Variants in CNTN5 observed in about 807,000 individuals in gnomAD.
CNTN5 encodes the protein contactin 5.
CNTN5 carries 77 observed loss-of-function variants against 129.1 expected under a neutral mutation model. The observed-to-expected ratio is 0.60, with a 90% CI of 0.50 to 0.72. CNTN5 has a LOEUF of 0.72. CNTN5 is among the 30% of genes least tolerant of loss of function. The pLI is 0.00. For synonymous variants in CNTN5, 509 were observed against 465.6 expected, an observed-to-expected ratio of 1.09 and a Z score of -1.20; for missense variants, 1,478 against 1,328.8, an observed-to-expected ratio of 1.11 and a Z score of -1.75.
chr11:99,802,732 C>T (rs1056988741), intron 3 of CNTN5, among the ~76,000 whole-genome samples: 44 of 152,120 alleles, frequency 2.9e-4, no homozygotes, highest in African/African-American at 9.7e-4. Flanking sequence ...GCCTGGAGAC[C>T]TACCTGGACA....
chr11:100,355,213 C>G (rs111742095), intron 24 of CNTN5, among the ~76,000 whole-genome samples: 9 of 151,112 alleles, frequency 6.0e-5, no homozygotes, highest in African/African-American at 2.2e-4. Context: ...ATTTTGTTTG[C>G]TTTTTAAACT....
intron 3 of CNTN5, among the ~76,000 whole-genome samples, chr11:99,592,712 G>A (rs1490284070): frequency 6.6e-6 from 1 of 152,180 alleles, no homozygotes; most frequent in Admixed American, 6.5e-5. Flanking sequence ...TTAATATCAT[G>A]TAAATATTTT....
At chr11:100,318,767 G>T (rs1346213753) in intron 21 of CNTN5, among the ~76,000 whole-genome samples, 1 of 152,002 alleles carries the variant, frequency 6.6e-6, no homozygotes, top group Admixed American at 6.6e-5. Context: ...ATACAGACAT[G>T]GGCTTGCTTA....
intron 2 of CNTN5, among the ~76,000 whole-genome samples, chr11:99,416,671 AAGAT>A (rs1385765174): frequency 2.4e-4 from 37 of 152,270 alleles, no homozygotes; most frequent in African/African-American, 8.9e-4. Flanking sequence ...TAGGTAAAGA[AAGAT>A]AGATTACAGG....
intron 9 of CNTN5, among the ~76,000 whole-genome samples, chr11:100,029,824 C>A (rs1941617690): frequency 6.6e-6 from 1 of 152,084 alleles, no homozygotes; most frequent in African/African-American, 2.4e-5. Flanking sequence ...GGGAATGAAT[C>A]TTTACAGCCC....
At chr11:99,291,690 A>C (rs1037683475) in intron 1 of CNTN5, among the ~76,000 whole-genome samples, 3 of 152,014 alleles carry the variant, frequency 2.0e-5, no homozygotes, top group African/African-American at 7.2e-5. Flanking sequence ...AATAAGAAAA[A>C]GAATTTAGCT....
At chr11:99,164,115 TAGG>T (rs1040641192) in intron 1 of CNTN5, among the ~76,000 whole-genome samples, 10 of 151,898 alleles carry the variant, frequency 6.6e-5, no homozygotes, top group Non-Finnish European at 1.5e-4. Flanking sequence ...ATCACGAGGT[TAGG>T]AGTTCAAGAC....
At chr11:99,129,646 C>T (rs569277680) in intron 1 of CNTN5, among the ~76,000 whole-genome samples, 1 of 152,188 alleles carries the variant, frequency 6.6e-6, no homozygotes, top group East Asian at 1.9e-4. Context: ...AGATCTACTG[C>T]AAGACACATA....
At chr11:99,752,907 A>G (rs1328923582) in intron 3 of CNTN5, among the ~76,000 whole-genome samples, 4 of 152,168 alleles carry the variant, frequency 2.6e-5, no homozygotes, top group Non-Finnish European at 5.9e-5. Flanking sequence ...AGAATATACA[A>G]GTGATTATCC....
At chr11:99,483,699 C>T (rs1266854304) in intron 2 of CNTN5, among the ~76,000 whole-genome samples, 1 of 150,958 alleles carries the variant, frequency 6.6e-6, no homozygotes, top group African/African-American at 2.4e-5. Flanking sequence ...CGGGGGTGTG[C>T]TCTAATGACA....
intron 3 of CNTN5, among the ~76,000 whole-genome samples, chr11:99,781,199 G>A (rs939397326): frequency 6.6e-6 from 1 of 152,032 alleles, no homozygotes; most frequent in Non-Finnish European, 1.5e-5. Flanking sequence ...ATTGTTAACT[G>A]CCTGAAACAT....
intron 9 of CNTN5, among the ~76,000 whole-genome samples, chr11:100,016,153 T>C (rs770596): frequency 0.43 from 65,007 of 151,796 alleles, 14,203 homozygotes; most frequent in East Asian, 0.55. Flanking sequence ...GACAAAAGTC[T>C]ATGTTTACCT....
chr11:100,026,368 A>C (rs1479421990), intron 9 of CNTN5, among the ~76,000 whole-genome samples: 1 of 152,096 alleles, frequency 6.6e-6, no homozygotes, highest in Non-Finnish European at 1.5e-5. Context: ...TAGTCTCAGG[A>C]AGTTCTTTAT....
chr11:99,953,551 T>A (rs1950725473), intron 7 of CNTN5, among the ~76,000 whole-genome samples: 1 of 152,196 alleles, frequency 6.6e-6, no homozygotes, highest in South Asian at 2.1e-4. Flanking sequence ...CTCTCTGGTG[T>A]TAACCCTGAG....
At chr11:99,889,573 T>C (rs1949004180) in intron 6 of CNTN5, among the ~76,000 whole-genome samples, 1 of 151,144 alleles carries the variant, frequency 6.6e-6, no homozygotes, top group Non-Finnish European at 1.5e-5. Flanking sequence ...TTCACTCTTG[T>C]TGCCCAGGCT....
rs553833641 is a variant in CNTN5, at chr11:99,827,693, A to T, written c.277+7928A>T. On this transcript the variant is annotated intron_variant, in intron 4 of 24. Transcript: ENST00000524871. Reference sequence around the variant, plus strand: ...CACATAGCTTTGTTTCCAATATTTTAACAAATATTTTTAGAGGCTTATTAA... The same window carrying T: ...CACATAGCTTTGTTTCCAATATTTTTACAAATATTTTTAGAGGCTTATTAA... 4.6e-5 allele frequency among the ~76,000 whole-genome samples: 7 copies of T among 152,312 alleles called. No individual in the cohort carries two copies. In the South Asian group the frequency reaches 1.4e-3, roughly 32 times the overall value.
chr11:99,655,168 C>A (rs1270938521), intron 3 of CNTN5, among the ~76,000 whole-genome samples: 6 of 152,024 alleles, frequency 3.9e-5, no homozygotes, highest in African/African-American at 1.4e-4. Flanking sequence ...AAGTAAAATC[C>A]TTGTGATTCT....
intron 3 of CNTN5, among the ~76,000 whole-genome samples, chr11:99,741,186 A>T (rs112617843): frequency 3.9e-5 from 6 of 152,296 alleles, no homozygotes; most frequent in African/African-American, 1.2e-4. Flanking sequence ...CATTGTTTAA[A>T]TTATTGGGAT....
Position 99,987,013 on chromosome 11 carries a change from T to C in CNTN5, c.878-15021T>C, listed in dbSNP as rs115904297. ...TTTATTTTTTAAAATATCCCAATAA[T>C]TTAAAACAAAATATAGATTTTTTCA... On this transcript the variant is annotated intron_variant, in intron 8 of 24. Coordinates refer to ENST00000524871, the MANE Select transcript of CNTN5 (RefSeq NM_014361.4). Among the ~76,000 whole-genome samples the C allele has an allele frequency of 7.8e-3, 1,185 of 152,268 alleles. 19 individuals are homozygous for C. Among genetic ancestry groups the C allele is most frequent in the African/African-American group, 0.027 (1,138 of 41,566 alleles).
Sources: allele counts gnomAD v4.1 joint callset (sites outside exome capture counted in the v4.1 genomes callset), GRCh38; gene constraint gnomAD v4.1.1; transcripts MANE v1.5; gene names NCBI Gene and HGNC (gene_info 2026-07-23, HGNC 2026-07-21).